SERPINB10: variants seen among roughly 807,000 people sequenced by gnomAD.
The protein encoded by SERPINB10 is serpin B10.
In SERPINB10, 35 loss-of-function variants were observed where a neutral mutation model predicts 39.1. That is an observed-to-expected ratio of 0.90 (90% CI 0.68 to 1.19). The LOEUF (loss-of-function observed/expected upper bound fraction) is 1.19, where lower values mean the gene tolerates loss of function less well. SERPINB10 is among the 50% of genes most tolerant of loss of function. The pLI, the probability that SERPINB10 is intolerant of heterozygous loss-of-function variation, is 0.00. For missense variants in SERPINB10, 546 were observed against 460.5 expected (o/e 1.19, Z -1.70); for synonymous variants, 190 against 158.1 (o/e 1.20, Z -1.52).
chr18:63,933,388 A>T (rs1008064325), intron 7 of SERPINB10, among the ~76,000 whole-genome samples, 185 bp downstream of exon 7: 5 of 152,312 alleles, frequency 3.3e-5, no homozygotes, highest in Admixed American at 3.3e-4. Context: ...TATTATTTAA[A>T]CTTTACAACA....
chr18:63,918,143 G>A (rs749640540), intron 4 of SERPINB10, 41 bp downstream of exon 4: 9 of 1,600,120 alleles, frequency 5.6e-6, no homozygotes, highest in Non-Finnish European at 7.7e-6. Context: ...GGAAAAGAAA[G>A]AGCAATGTGA....
chr18:63,926,007 G>A (rs2050178954), intron 5 of SERPINB10, among the ~76,000 whole-genome samples: 1 of 152,012 alleles, frequency 6.6e-6, no homozygotes, highest in African/African-American at 2.4e-5. Context: ...TGACTTTGGT[G>A]GTTGTATTAG....
intron 2 of SERPINB10, among the ~76,000 whole-genome samples, chr18:63,915,897 C>A (rs568517314): frequency 2.0e-5 from 3 of 152,088 alleles, no homozygotes; most frequent in South Asian, 2.1e-4. Context: ...GAACCTGTGT[C>A]CTTTAGCAAA....
chr18:63,912,041 G>A (rs1158518008), intron 1 of SERPINB10, among the ~76,000 whole-genome samples: 1 of 150,220 alleles, frequency 6.7e-6, no homozygotes, highest in Admixed American at 6.6e-5. Context: ...TTATTTTTTG[G>A]CTATCATAAA....
chr18:63,928,193 T>G (rs1268099936), intron 5 of SERPINB10, among the ~76,000 whole-genome samples: 1 of 152,104 alleles, frequency 6.6e-6, no homozygotes, highest in African/African-American at 2.4e-5. Context: ...CATGTCTGTA[T>G]TTTGGCAGTT....
chr18:63,917,454 A>G lies in SERPINB10; in HGVS notation c.169-2A>G, dbSNP rs1172470479. On this transcript the variant is annotated splice_acceptor_variant, in intron 2 of 7. Transcript: ENST00000238508. LOFTEE classifies it high-confidence loss of function. Reference sequence around the variant, plus strand: ...TCATTTGTATTTTTATTGAAATTACAGGTGCTTCAATTTAACAGAGACCAG... The same window carrying G: ...TCATTTGTATTTTTATTGAAATTACGGGTGCTTCAATTTAACAGAGACCAG... 1.3e-6 allele frequency: 2 copies of G among 1,555,650 alleles called. No individual in the cohort carries two copies. Among genetic ancestry groups the G allele is most frequent in the Non-Finnish European group, 8.7e-7 (1 of 1,147,478 alleles).
At chr18:63,926,227 A>G (rs8090188) in intron 5 of SERPINB10, among the ~76,000 whole-genome samples, 62,540 of 151,782 alleles carry the variant, frequency 0.41, 15,744 homozygotes, top group African/African-American at 0.71. Flanking sequence ...GCTGGTTGAT[A>G]CATCACTCCA....
chr18:63,908,687 C>T (rs1211904322), intron 1 of SERPINB10, among the ~76,000 whole-genome samples: 2 of 152,000 alleles, frequency 1.3e-5, no homozygotes, highest in African/African-American at 4.8e-5. Flanking sequence ...CTAAAAAAGG[C>T]CTTAGGTGAA....
At chr18:63,921,909 C>T (rs370506053) in intron 5 of SERPINB10, among the ~76,000 whole-genome samples, 31 of 151,896 alleles carry the variant, frequency 2.0e-4, no homozygotes, top group Admixed American at 7.2e-4. Flanking sequence ...TCTGAAATAC[C>T]GTTCCCTGCC....
intron 5 of SERPINB10, 115 bp downstream of exon 5, chr18:63,920,020 G>A (rs1175190730): frequency 5.5e-6 from 3 of 549,398 alleles, no homozygotes; most frequent in Non-Finnish European, 9.6e-6. Flanking sequence ...TGGACACATT[G>A]TAAATATTCA....
intron 1 of SERPINB10, among the ~76,000 whole-genome samples, chr18:63,913,999 AC>A (rs2050084162): frequency 6.6e-6 from 1 of 151,814 alleles, no homozygotes; most frequent in Non-Finnish European, 1.5e-5. Flanking sequence ...GTTGAATTGA[AC>A]CTTTTGCCAT....
chr18:63,931,734 A>G (rs910147066), intron 6 of SERPINB10, among the ~76,000 whole-genome samples: 4 of 152,186 alleles, frequency 2.6e-5, no homozygotes, highest in Non-Finnish European at 5.9e-5. Context: ...CATATTTGTT[A>G]TAATTGATGA....
chr18:63,912,877 GGT>G (rs2050074521), intron 1 of SERPINB10, among the ~76,000 whole-genome samples: 1 of 151,792 alleles, frequency 6.6e-6, no homozygotes, highest in Non-Finnish European at 1.5e-5. Flanking sequence ...TTGTACATCT[GGT>G]AGAATTCAGC....
intron 1 of SERPINB10, 112 bp from the exon 2 acceptor site, chr18:63,915,390 C>A: frequency 1.6e-6 from 1 of 644,072 alleles, no homozygotes; most frequent in Non-Finnish European, 2.6e-6. Context: ...GTCTATTCAG[C>A]TCATATGACA....
rs904020796 is a variant in SERPINB10, at chr18:63,933,270, C to A, written c.789+67C>A. On this transcript the variant is annotated intron_variant, in intron 7 of 7. Coordinates refer to ENST00000238508, the MANE Select transcript of SERPINB10 (RefSeq NM_005024.3). ...GTTTACTAAGAAAAGAACTGCTTGG[C>A]CAAGGTTTCTCCCAATTGTCCTCAG... is the stretch of plus-strand genomic sequence containing the variant. 14 of 1,545,640 alleles carry A rather than the reference C, an allele frequency of 9.1e-6. No individual in the cohort carries two copies. In the African/African-American group the frequency reaches 1.8e-4, roughly 20 times the overall value.
intron 1 of SERPINB10, among the ~76,000 whole-genome samples, chr18:63,910,775 T>C (rs1466612844): frequency 6.8e-6 from 1 of 148,076 alleles, no homozygotes; most frequent in African/African-American, 2.5e-5. Context: ...TGTGTGTGTG[T>C]GTGTGTCTCT....
At chr18:63,925,259 G>T (rs368293324) in intron 5 of SERPINB10, among the ~76,000 whole-genome samples, 1 of 151,956 alleles carries the variant, frequency 6.6e-6, no homozygotes, top group East Asian at 1.9e-4. Context: ...AATAGATACA[G>T]ATGTGTGTAT....
rs758260025 is a variant in SERPINB10, at chr18:63,917,532, T to C, written c.234+11T>C. 1.4e-6 allele frequency: 2 copies of C among 1,422,788 alleles called. No individual in the cohort carries two copies. Among genetic ancestry groups the C allele is most frequent in the Non-Finnish European group, 1.9e-6 (2 of 1,042,304 alleles). The allele number at this position is 1,422,788 out of a possible 1,614,324, so 88.1% of individuals were successfully genotyped here. ...AAAAAAAGGAAAATGGTATATCTTA[T>C]CCTTTAATATATATTTCATAATTAA... On this transcript the variant is annotated intron_variant, in intron 3 of 7. Coordinates refer to ENST00000238508, the MANE Select transcript of SERPINB10 (RefSeq NM_005024.3).
At position 63,933,212 on chromosome 18, in the gene SERPINB10, C is replaced by T. The variant is rs745529734; in HGVS notation, c.789+9C>T. 1 of 1,612,150 alleles carries T rather than the reference C, an allele frequency of 6.2e-7. No individual in the cohort carries two copies. The highest frequency in any genetic ancestry group is 1.1e-5 in the South Asian group (1 of 89,524). On this transcript the variant is annotated intron_variant, in intron 7 of 7. Coordinates refer to ENST00000238508, the MANE Select transcript of SERPINB10 (RefSeq NM_005024.3). ...TTAATGGGCTGGAACAGGTAAATAACATCAGTGTGTCTGATGTGAGGGTGT... is the reference window on the plus strand; with the variant it reads ...TTAATGGGCTGGAACAGGTAAATAATATCAGTGTGTCTGATGTGAGGGTGT...
Sources: gnomAD v4.1 joint callset for allele counts (sites outside exome capture counted in the v4.1 genomes callset) on GRCh38, gnomAD v4.1.1 for gene constraint, MANE v1.5 for transcripts, NCBI Gene and HGNC (gene_info 2026-07-23, HGNC 2026-07-21) for gene names.